Variants in CFHR4 observed in about 807,000 individuals in gnomAD.
The protein encoded by CFHR4 is complement factor H-related protein 4.
Under a neutral mutation model 69.3 loss-of-function variants are expected in CFHR4, and 64 were observed. That is an observed-to-expected ratio of 0.92 (90% CI 0.76 to 1.14). CFHR4 has a LOEUF of 1.14. CFHR4 is among the 50% of genes most tolerant of loss of function. The pLI is 0.00. For missense variants in CFHR4, 636 were observed against 684.9 expected (o/e 0.93, Z 0.80); for synonymous variants, 244 against 237.0 (o/e 1.03, Z -0.27).
At position 196,897,189 on chromosome 1, in the gene CFHR4, G is replaced by T. The variant is rs187475331; in HGVS notation, c.59-5229G>T. ...AGTTCCCTGATTCCCCTCGCAGGAC[G>T]TGCGAGAGGGGTGTTATCTGCTTTG... On this transcript the variant is annotated intron_variant, in intron 1 of 9. Transcript: ENST00000608469. Among the ~76,000 whole-genome samples the T allele has an allele frequency of 2.6e-5, 4 of 151,680 alleles. No individual in the cohort carries two copies. The East Asian group carries it at 7.8e-4, about 29-fold the overall frequency.
In CFHR4 at chr1:196,910,399, T is replaced by C. The variant is rs552461407; in HGVS notation, c.918T>C (p.Asn306=). 25 of 1,612,712 alleles carry C rather than the reference T, an allele frequency of 1.6e-5. No individual in the cohort carries two copies. Among genetic ancestry groups the C allele is most frequent in the African/African-American group, 4.0e-5 (3 of 74,504 alleles). The change falls in exon 6 of 10, where the codon AAT becomes AAC. Residue 306 remains asparagine (N), a synonymous_variant. Coordinates refer to ENST00000608469, the MANE Select transcript of CFHR4 (RefSeq NM_001201550.3). ...CTTACTCCTATTACTGTGACCAAAA[T>C]TTTGTGACTCCTTCAGGAAGTTACT... is the stretch of plus-strand genomic sequence containing the variant. ...GQSYSYYCDQ[N]FVTPSGSYWD...
At chr1:196,907,119 TGA>T (rs1657955658) in intron 4 of CFHR4, 82 bp downstream of exon 4, 20 of 1,240,568 alleles carry the variant, frequency 1.6e-5, no homozygotes, top group Non-Finnish European at 1.8e-5. Flanking sequence ...CATATGTGTA[TGA>T]ATACATATGT....
intron 3 of CFHR4, among the ~76,000 whole-genome samples, 177 bp from the exon 4 acceptor site, chr1:196,906,684 C>A (rs956514180): frequency 1.3e-5 from 2 of 151,162 alleles, no homozygotes; most frequent in Admixed American, 6.6e-5. Flanking sequence ...ATGTATTTTT[C>A]TCTTGTAATT....
chr1:196,907,933 A>G (rs1658007710), intron 5 of CFHR4, among the ~76,000 whole-genome samples: 1 of 151,402 alleles, frequency 6.6e-6, no homozygotes, highest in Non-Finnish European at 1.5e-5. Context: ...AGACTAGATA[A>G]AGAAAATGTG....
chr1:196,916,299 A>G lies in CFHR4; in HGVS notation c.1540+1161A>G, dbSNP rs191818559. Among the ~76,000 whole-genome samples, 158 of 151,866 alleles carry G rather than the reference A, an allele frequency of 1.0e-3. 2 individuals carry two copies. The highest frequency in any genetic ancestry group is 1.5e-3 in the Non-Finnish European group (101 of 67,966). ...AGCCTATGAGGTAGAGCCCTGGGAT[A>G]CCCATCAGTCCTTGCATGTCAGATA... On this transcript the variant is annotated intron_variant, in intron 9 of 9. Coordinates refer to ENST00000608469, the MANE Select transcript of CFHR4 (RefSeq NM_001201550.3).
chr1:196,917,653 T>C (rs1658724647), intron 9 of CFHR4, among the ~76,000 whole-genome samples: 1 of 150,658 alleles, frequency 6.6e-6, no homozygotes, highest in Non-Finnish European at 1.5e-5. Flanking sequence ...TTGACAGATA[T>C]TGAGGTGTAT....
rs1201951750 is a variant in CFHR4 at position 196,910,330 on chromosome 1, T to A, written c.849T>A (p.Tyr283Ter). 1 of 1,610,782 alleles carries A rather than the reference T, an allele frequency of 6.2e-7. No homozygotes were observed. Among genetic ancestry groups the A allele is most frequent in the Non-Finnish European group, 8.5e-7 (1 of 1,178,526 alleles). The change falls in exon 6 of 10, where the codon TAT (tyrosine) becomes TAA (stop). Residue 283 changes from tyrosine (Y) to a stop codon, truncating the protein, a stop_gained. Coordinates refer to ENST00000608469, the MANE Select transcript of CFHR4 (RefSeq NM_001201550.3). LOFTEE classifies it high-confidence loss of function. ...AAATTCAACATGGACATCTATATTA[T>A]GAGAATACGCGTAGACCATACTTTC... is the stretch of plus-strand genomic sequence containing the variant. ...FPEIQHGHLY[Y>*]ENTRRPYFPV...
At chr1:196,893,180 T>C (rs1490155084) in intron 1 of CFHR4, among the ~76,000 whole-genome samples, 1 of 151,734 alleles carries the variant, frequency 6.6e-6, no homozygotes, top group African/African-American at 2.4e-5. Context: ...ATATAGATAG[T>C]TGAAGAGTTA....
At chr1:196,897,216 C>T (rs770898373) in intron 1 of CFHR4, among the ~76,000 whole-genome samples, 1 of 151,622 alleles carries the variant, frequency 6.6e-6, no homozygotes, top group Non-Finnish European at 1.5e-5. Context: ...TCTGCTTTGT[C>T]GCCCCGCAGC....
At chr1:196,890,082 A>G (rs867135785) in intron 1 of CFHR4, among the ~76,000 whole-genome samples, 17 of 151,546 alleles carry the variant, frequency 1.1e-4, no homozygotes, top group Non-Finnish European at 8.8e-5. Flanking sequence ...CAATTTATTA[A>G]AAGAATATTA....
intron 9 of CFHR4, among the ~76,000 whole-genome samples, chr1:196,917,946 G>C (rs553703885): frequency 6.6e-6 from 1 of 151,620 alleles, no homozygotes; most frequent in Non-Finnish European, 1.5e-5. Flanking sequence ...TTTTAGGGAA[G>C]AAGAGTTCAG....
intron 3 of CFHR4, among the ~76,000 whole-genome samples, chr1:196,905,723 C>A (rs991430623): frequency 6.6e-6 from 1 of 151,428 alleles, no homozygotes; most frequent in Non-Finnish European, 1.5e-5. Flanking sequence ...TTTCTGCTAG[C>A]ATCAGGAAAA....
rs149154637 is a variant in CFHR4 at position 196,899,616 on chromosome 1, A to G, written c.59-2802A>G. Among the ~76,000 whole-genome samples, 261 of 151,684 alleles carry G rather than the reference A, an allele frequency of 1.7e-3. 7 individuals carry two copies. The highest frequency in any genetic ancestry group is 6.0e-3 in the African/African-American group (246 of 41,198). On this transcript the variant is annotated intron_variant, in intron 1 of 9. Transcript: ENST00000608469. Reference sequence around the variant, plus strand: ...TTGTCAAAAGCATGAGTTCTTAAGAAAGGTAGCTATTGTAACTGTGAAACC... The same window carrying G: ...TTGTCAAAAGCATGAGTTCTTAAGAGAGGTAGCTATTGTAACTGTGAAACC...
intron 5 of CFHR4, among the ~76,000 whole-genome samples, chr1:196,907,881 C>T (rs994724815): frequency 6.6e-6 from 1 of 151,144 alleles, no homozygotes; most frequent in African/African-American, 2.4e-5. Context: ...GTTTTAAAAA[C>T]CATGGATGTG....
At position 196,895,291 on chromosome 1, in the gene CFHR4, CTCTT is replaced by C. The variant is rs528003426; in HGVS notation, c.58+7085_58+7088del. Among the ~76,000 whole-genome samples the C allele has an allele frequency of 4.1e-3, 619 of 151,510 alleles. 24 individuals carry two copies. The highest frequency in any genetic ancestry group is 0.013 in the African/African-American group (529 of 41,122). On this transcript the variant is annotated intron_variant, in intron 1 of 9. Coordinates refer to ENST00000608469, the MANE Select transcript of CFHR4 (RefSeq NM_001201550.3). ...GATTATAATGTATCTTGATATCTAT[CTCTT>C]TGAGTTAATCTCATTAAGTTCATTA...
In CFHR4 at chr1:196,914,595, T is replaced by C. The variant is rs776420586; in HGVS notation, c.1281T>C (p.Tyr427=). 1 of 1,611,868 alleles carries C rather than the reference T, an allele frequency of 6.2e-7. No homozygotes were observed. Among genetic ancestry groups the C allele is most frequent in the South Asian group, 1.1e-5 (1 of 90,868 alleles). The stretch of plus-strand genomic sequence containing the variant: ...TGGACTACGAATGCTACGATGGATA[T>C]GAAATCAGTTATGGAAACACCACAG... ...DTLDYECYDG[Y]EISYGNTTGS... is the part of the protein sequence containing the mutation. The change falls in exon 8 of 10, where the codon TAT becomes TAC. Residue 427 remains tyrosine (Y), a synonymous_variant. Transcript: ENST00000608469.
intron 5 of CFHR4, among the ~76,000 whole-genome samples, chr1:196,909,489 C>A (rs950467177): frequency 6.6e-6 from 1 of 151,104 alleles, no homozygotes; most frequent in Non-Finnish European, 1.5e-5. Flanking sequence ...TGTAAACAGC[C>A]CCTGAATGTA....
At chr1:196,909,621 T>C (rs984699873) in intron 5 of CFHR4, among the ~76,000 whole-genome samples, 21 of 151,336 alleles carry the variant, frequency 1.4e-4, no homozygotes, top group African/African-American at 4.9e-4. Flanking sequence ...GAAATACTAA[T>C]GTTAATAAGG....
chr1:196,899,776 C>T (rs747778090), intron 1 of CFHR4, among the ~76,000 whole-genome samples: 46 of 151,588 alleles, frequency 3.0e-4, no homozygotes, highest in Admixed American at 9.2e-4. Context: ...AAAAGTATTT[C>T]GCAAGTGACC....
Sources: gnomAD v4.1 joint callset for allele counts (sites outside exome capture counted in the v4.1 genomes callset) on GRCh38, gnomAD v4.1.1 for gene constraint, MANE v1.5 for transcripts, NCBI Gene and HGNC (gene_info 2026-07-23, HGNC 2026-07-21) for gene names.